Variants in ROBO1 observed in about 807,000 individuals in gnomAD.
ROBO1 encodes the protein roundabout homolog 1.
ROBO1 carries 149 observed loss-of-function variants against 195.9 expected under a neutral mutation model. That is an observed-to-expected ratio of 0.76 (90% CI 0.67 to 0.87). ROBO1 has a LOEUF of 0.87. Among genes scored for constraint, ROBO1 ranks in the 40% least tolerant of loss-of-function variants. The probability of loss-of-function intolerance (pLI) is 0.00; values close to 1 mark genes in which losing one functional copy is unlikely to be tolerated. For missense variants in ROBO1, 1,933 were observed against 2,068.3 expected, an observed-to-expected ratio of 0.93 and a Z score of 1.27; for synonymous variants, 816 against 733.2, an observed-to-expected ratio of 1.11 and a Z score of -1.82.
intron 4 of ROBO1, among the ~76,000 whole-genome samples, chr3:78,880,188 C>T (rs1045275119): frequency 1.3e-5 from 2 of 152,024 alleles, no homozygotes; most frequent in African/African-American, 4.8e-5. Flanking sequence ...AATTAGCATG[C>T]TAAAACTTTA....
chr3:79,110,611 A>G (rs2079868056), intron 3 of ROBO1, among the ~76,000 whole-genome samples: 1 of 145,170 alleles, frequency 6.9e-6, no homozygotes, highest in Non-Finnish European at 1.5e-5. Flanking sequence ...ATTTGAAGTG[A>G]GGGAAATAAC....
At chr3:79,662,565 G>A (rs1350122506) in intron 1 of ROBO1, among the ~76,000 whole-genome samples, 2 of 151,986 alleles carry the variant, frequency 1.3e-5, no homozygotes, top group African/African-American at 2.4e-5. Flanking sequence ...AAAGGAAGTC[G>A]ACTTCTGCCA....
chr3:78,697,082 C>T (rs1390550559), intron 8 of ROBO1, among the ~76,000 whole-genome samples: 1 of 150,956 alleles, frequency 6.6e-6, no homozygotes, highest in Non-Finnish European at 1.5e-5. Flanking sequence ...ACAGCCACTA[C>T]CATTTAGAAT....
intron 3 of ROBO1, among the ~76,000 whole-genome samples, chr3:79,055,673 T>C (rs2078792809): frequency 6.6e-6 from 1 of 152,072 alleles, no homozygotes; most frequent in Non-Finnish European, 1.5e-5. Context: ...AGTCAGCATG[T>C]GATGGAAAAC....
At chr3:79,660,005 T>A (rs1946283294) in intron 1 of ROBO1, among the ~76,000 whole-genome samples, 1 of 152,024 alleles carries the variant, frequency 6.6e-6, no homozygotes, top group African/African-American at 2.4e-5. Flanking sequence ...AGTGGAAAGT[T>A]GATTATATTG....
At chr3:78,623,307 A>G (rs1260914895) in intron 26 of ROBO1, among the ~76,000 whole-genome samples, 1 of 152,202 alleles carries the variant, frequency 6.6e-6, no homozygotes, top group Non-Finnish European at 1.5e-5. Context: ...TAAAGGATAC[A>G]TAGGTGTTAG....
chr3:78,696,703 C>CATATACATACACGTATATATACAT (rs2081302444), intron 8 of ROBO1, among the ~76,000 whole-genome samples: 1 of 146,140 alleles, frequency 6.8e-6, no homozygotes, highest in East Asian at 2.0e-4. Context: ...TATATATACA[C>CATATACATACACGTATATATACAT]ATATATATAC....
intron 2 of ROBO1, among the ~76,000 whole-genome samples, chr3:79,129,591 A>G (rs1364355130): frequency 6.6e-6 from 1 of 152,192 alleles, no homozygotes; most frequent in Non-Finnish European, 1.5e-5. Context: ...AAATATAATA[A>G]TTCATTAAAT....
intron 2 of ROBO1, among the ~76,000 whole-genome samples, chr3:79,539,552 A>G (rs1001971137): frequency 5.9e-5 from 9 of 152,120 alleles, no homozygotes; most frequent in Admixed American, 1.3e-4. Flanking sequence ...GAAATGAAAA[A>G]TTAAAACTTC....
At chr3:79,653,107 AATC>A (rs776137506) in intron 1 of ROBO1, among the ~76,000 whole-genome samples, 2 of 151,946 alleles carry the variant, frequency 1.3e-5, no homozygotes, top group South Asian at 2.1e-4. Context: ...TTAATGAAAA[AATC>A]AATTCCATAT....
intron 1 of ROBO1, among the ~76,000 whole-genome samples, chr3:79,691,743 A>G (rs1031099423): frequency 2.2e-4 from 33 of 152,020 alleles, no homozygotes; most frequent in African/African-American, 7.9e-4. Context: ...ACTAGCACAA[A>G]GTTAATTTCT....
intron 1 of ROBO1, among the ~76,000 whole-genome samples, chr3:79,726,095 G>A (rs34811931): frequency 0.29 from 44,301 of 152,034 alleles, 7,802 homozygotes; most frequent in East Asian, 0.57. Context: ...AAAATGTAAT[G>A]TGAATGACGA....
chr3:79,243,608 G>A (rs1190903858), intron 2 of ROBO1, among the ~76,000 whole-genome samples: 1 of 152,046 alleles, frequency 6.6e-6, no homozygotes, highest in Admixed American at 6.6e-5. Flanking sequence ...TTTTTCATGT[G>A]TCTTTTGGCT....
intron 2 of ROBO1, among the ~76,000 whole-genome samples, chr3:79,173,590 C>T (rs2108704785): frequency 1.3e-5 from 2 of 152,240 alleles, no homozygotes; most frequent in East Asian, 3.9e-4. Flanking sequence ...TGCAGCCCGC[C>T]ATGCCTGAGC....
intron 2 of ROBO1, among the ~76,000 whole-genome samples, chr3:79,479,589 G>C (rs2107369429): frequency 6.6e-6 from 1 of 152,138 alleles, no homozygotes; most frequent in Non-Finnish European, 1.5e-5. Context: ...AGTCACTCTG[G>C]TAGAACTTAA....
intron 2 of ROBO1, among the ~76,000 whole-genome samples, chr3:79,412,895 T>A (rs1391483392): frequency 7.0e-6 from 1 of 142,436 alleles, no homozygotes; most frequent in African/African-American, 2.6e-5. Flanking sequence ...TTTTTTTTTT[T>A]TTTTTTTTTT....
intron 1 of ROBO1, among the ~76,000 whole-genome samples, chr3:79,693,096 TGTATG>T (rs1226229758): frequency 6.6e-6 from 1 of 151,772 alleles, no homozygotes; most frequent in African/African-American, 2.4e-5. Context: ...GTTCTGCTTG[TGTATG>T]GTATACCTGA....
At chr3:79,654,628 A>G (rs1349082549) in intron 1 of ROBO1, among the ~76,000 whole-genome samples, 1 of 152,014 alleles carries the variant, frequency 6.6e-6, no homozygotes, top group Non-Finnish European at 1.5e-5. Flanking sequence ...GATGCATTTA[A>G]TATAAAAATT....
At chr3:78,842,669 A>G (rs970779312) in intron 4 of ROBO1, among the ~76,000 whole-genome samples, 1 of 150,818 alleles carries the variant, frequency 6.6e-6, no homozygotes, top group Non-Finnish European at 1.5e-5. Flanking sequence ...GGGAATGTAC[A>G]TTAAAAGTAT....
Sources: gnomAD v4.1 joint callset for allele counts (sites outside exome capture counted in the v4.1 genomes callset) on GRCh38, gnomAD v4.1.1 for gene constraint, MANE v1.5 for transcripts, NCBI Gene and HGNC (gene_info 2026-07-23, HGNC 2026-07-21) for gene names.